The following PLCB4 variants were observed in gnomAD, a reference collection of about 807,000 sequenced individuals.
PLCB4 encodes the protein phospholipase C beta 4.
A neutral mutation model predicts 178.8 loss-of-function variants in PLCB4; 77 were observed. That is an observed-to-expected ratio of 0.43 (90% CI 0.36 to 0.52). The LOEUF is 0.52. Ranked by LOEUF, PLCB4 falls within the 20% of genes least tolerant of loss-of-function variation. The pLI is 0.00. For synonymous variants in PLCB4, 496 were observed against 490.8 expected, an observed-to-expected ratio of 1.01 and a Z score of -0.14; for missense variants, 1,024 against 1,453.4, an observed-to-expected ratio of 0.70 and a Z score of 4.80.
chr20:9,370,673 C>T (rs575076854), intron 9 of PLCB4, among the ~76,000 whole-genome samples: 32 of 151,914 alleles, frequency 2.1e-4, no homozygotes, highest in Non-Finnish European at 3.5e-4. Flanking sequence ...TTTGGGAGGC[C>T]GAGGTGGGTG....
intron 33 of PLCB4, 22 bp from the exon 34 acceptor site, chr20:9,457,392 A>G: frequency 8.2e-7 from 1 of 1,215,672 alleles, no homozygotes; most frequent in Non-Finnish European, 1.2e-6. Context: ...TCTGGCATGC[A>G]TTTGCAACTT....
chr20:9,387,428 A>G, intron 14 of PLCB4, 35 bp from the exon 15 acceptor site: 1 of 1,035,790 alleles, frequency 9.7e-7, no homozygotes, highest in Non-Finnish European at 1.5e-6. Flanking sequence ...ATTTCATTGT[A>G]AAGTTTCAAT....
At position 9,092,647 on chromosome 20, in the gene PLCB4, G is replaced by A. The variant is rs144380900; in HGVS notation, c.-134-3640G>A. 2.7e-3 allele frequency among the ~76,000 whole-genome samples: 416 copies of A among 152,242 alleles called. 2 individuals carry two copies. Among genetic ancestry groups the A allele is most frequent in the African/African-American group, 9.8e-3 (409 of 41,548 alleles). On this transcript the variant is annotated intron_variant, in intron 1 of 39. Coordinates refer to ENST00000378473, the MANE Select transcript of PLCB4 (RefSeq NM_001377142.1). ...TAACAGAAGTTTAAGAGAAATGCAC[G>A]CTTGGGAATCTAAGCATTTTGGGCA... is the stretch of plus-strand genomic sequence containing the variant.
intron 3 of PLCB4, among the ~76,000 whole-genome samples, chr20:9,302,321 T>C (rs2094715251): frequency 6.6e-6 from 1 of 152,150 alleles, no homozygotes; most frequent in Non-Finnish European, 1.5e-5. Context: ...GACTATAATG[T>C]GTACCTTCGT....
chr20:9,268,634 C>G (rs548121800), intron 3 of PLCB4, among the ~76,000 whole-genome samples: 1 of 152,226 alleles, frequency 6.6e-6, no homozygotes, highest in East Asian at 1.9e-4. Flanking sequence ...TCAGTGCCCT[C>G]TTATCCATAC....
chr20:9,348,144 G>A (rs1198070003), intron 7 of PLCB4, among the ~76,000 whole-genome samples: 2 of 152,190 alleles, frequency 1.3e-5, no homozygotes, highest in African/African-American at 4.8e-5. Context: ...CCAGGAGTCA[G>A]CTACTAGGAT....
At chr20:9,386,049 C>T (rs563598143) in intron 14 of PLCB4, among the ~76,000 whole-genome samples, 2 of 152,284 alleles carry the variant, frequency 1.3e-5, no homozygotes, top group African/African-American at 2.4e-5. Flanking sequence ...GGTCAGGAGC[C>T]GGAGACCAGC....
chr20:9,405,922 A>C (rs2039401688), intron 21 of PLCB4, among the ~76,000 whole-genome samples: 1 of 152,204 alleles, frequency 6.6e-6, no homozygotes, highest in African/African-American at 2.4e-5. Context: ...AGAGGTTCGG[A>C]AAATACTGCC....
rs745516252 is a variant in PLCB4 at position 9,372,390 on chromosome 20, C to A, written c.673C>A (p.Leu225Ile). ...TTGTCCTCGGACAGATATAGAAGAT[C>A]TTTTCAAAAAAATGTAAGTTCCACT... Reference protein sequence around the residue: ...KICPRTDIEDLFKKINGDKTD... With the variant: ...KICPRTDIEDIFKKINGDKTD... Residue 225 changes from leucine to isoleucine, a missense_variant, in exon 11 of 40, where the codon CTT becomes ATT. Physicochemically the swap from Leu to Ile is conservative, Grantham distance 5. Around this residue, in one of 7 missense-constraint regions of PLCB4, gnomAD observed 225 missense variants for 291.0 expected, o/e 0.77. Coordinates refer to ENST00000378473, the MANE Select transcript of PLCB4 (RefSeq NM_001377142.1). 2 of 1,557,352 alleles carry A rather than the reference C, an allele frequency of 1.3e-6. No homozygotes were observed. The highest frequency in any genetic ancestry group is 1.8e-6 in the Non-Finnish European group (2 of 1,136,428).
intron 38 of PLCB4, among the ~76,000 whole-genome samples, chr20:9,473,852 A>G (rs2122684294): frequency 6.6e-6 from 1 of 152,328 alleles, no homozygotes; most frequent in East Asian, 1.9e-4. Context: ...ATCACTGAGC[A>G]TGAGTGGATA....
chr20:9,457,511 C>T (rs749176724), intron 34 of PLCB4, 22 bp downstream of exon 34: 2 of 1,139,254 alleles, frequency 1.8e-6, no homozygotes, highest in Non-Finnish European at 2.7e-6. Flanking sequence ...CCCATTTTTA[C>T]AGCAGTGACT....
chr20:9,075,700 C>T (rs115677752), intron 1 of PLCB4, among the ~76,000 whole-genome samples: 3,965 of 152,342 alleles, frequency 0.026, 160 homozygotes, highest in African/African-American at 0.089. Context: ...AGCTACCACT[C>T]GGGTCTGACA....
chr20:9,131,714 G>A (rs970418618), intron 2 of PLCB4, among the ~76,000 whole-genome samples: 2 of 152,174 alleles, frequency 1.3e-5, no homozygotes, highest in Non-Finnish European at 2.9e-5. Flanking sequence ...TGGTGACCCT[G>A]CTGAACTCTG....
chr20:9,204,739 T>G lies in PLCB4; in HGVS notation c.-78-12651T>G, dbSNP rs371105455. Among the ~76,000 whole-genome samples the G allele has an allele frequency of 3.9e-5, 6 of 152,118 alleles. No homozygotes were observed. The South Asian group carries it at 1.2e-3, about 32-fold the overall frequency. ...AAGCTATATGTCATGTTAAAGAGAC[T>G]GCCACTGGATGGGACTGGGGAATGT... On this transcript the variant is annotated intron_variant, in intron 2 of 39. Transcript: ENST00000378473.
At chr20:9,327,945 G>C (rs937641660) in intron 4 of PLCB4, among the ~76,000 whole-genome samples, 5 of 152,126 alleles carry the variant, frequency 3.3e-5, no homozygotes, top group Admixed American at 3.3e-4. Context: ...ACCACATTTG[G>C]ATCAGGTTCA....
intron 2 of PLCB4, among the ~76,000 whole-genome samples, chr20:9,191,209 T>C (rs1258105591): frequency 2.0e-5 from 3 of 152,182 alleles, no homozygotes; most frequent in East Asian, 1.9e-4. Context: ...ATGGTTTGAA[T>C]GTGTGTCTCC....
At chr20:9,286,988 G>C (rs1601619476) in intron 3 of PLCB4, among the ~76,000 whole-genome samples, 1 of 151,990 alleles carries the variant, frequency 6.6e-6, no homozygotes, top group Non-Finnish European at 1.5e-5. Flanking sequence ...GATGTTTTGA[G>C]ATAGTGGGTG....
At chr20:9,311,321 A>G (rs2094830851) in intron 4 of PLCB4, among the ~76,000 whole-genome samples, 1 of 152,230 alleles carries the variant, frequency 6.6e-6, no homozygotes, top group Non-Finnish European at 1.5e-5. Context: ...AACCCACTTT[A>G]ACATCAAATT....
chr20:9,124,916 T>C (rs1229599599), intron 2 of PLCB4, among the ~76,000 whole-genome samples: 1 of 152,238 alleles, frequency 6.6e-6, no homozygotes, highest in Non-Finnish European at 1.5e-5. Flanking sequence ...AAAAGTTTAT[T>C]ATGAAGTGTT....
Sources: gnomAD v4.1 joint callset for allele counts (sites outside exome capture counted in the v4.1 genomes callset) on GRCh38, gnomAD v4.1.1 for gene constraint, gnomAD v4.1.1 regional missense constraint, MANE v1.5 for transcripts, NCBI Gene and HGNC (gene_info 2026-07-23, HGNC 2026-07-21) for gene names.